The following CARMIL1 variants were observed in gnomAD, a reference collection of about 807,000 sequenced individuals.
The protein encoded by CARMIL1 is F-actin-uncapping protein LRRC16A.
Under a neutral mutation model 177.1 loss-of-function variants are expected in CARMIL1, and 90 were observed. The observed-to-expected ratio is 0.51, with a 90% CI of 0.43 to 0.61. The LOEUF is 0.61. Among genes scored for constraint, CARMIL1 ranks in the 20% least tolerant of loss-of-function variants. The pLI is 0.00. For missense variants in CARMIL1, 1,380 were observed against 1,667.0 expected (o/e 0.83, Z 3.00); for synonymous variants, 577 against 606.2 (o/e 0.95, Z 0.71).
At chr6:25,496,687 T>C (rs1460844708) in intron 16 of CARMIL1, among the ~76,000 whole-genome samples, 1 of 152,194 alleles carries the variant, frequency 6.6e-6, no homozygotes, top group Non-Finnish European at 1.5e-5. Context: ...ATCATTCTCA[T>C]TTATGTATTC....
rs1466360819 is a variant in CARMIL1, at chr6:25,619,939, T to C, written c.*356T>C. 7 of 162,760 alleles carry C rather than the reference T, an allele frequency of 4.3e-5. No homozygotes were observed. The highest frequency in any genetic ancestry group is 8.0e-5 in the Non-Finnish European group (6 of 75,378). 10.1% of individuals were successfully genotyped at this position (162,760 alleles called of 1,614,324 possible). Reference sequence around the variant, plus strand: ...TACAGATTGCCCTGCAAGATGAGTTTTTGGAGATAAATGAAATAACTGGAC... The same window carrying C: ...TACAGATTGCCCTGCAAGATGAGTTCTTGGAGATAAATGAAATAACTGGAC... On this transcript the variant is annotated 3_prime_UTR_variant, in exon 37 of 37. Transcript: ENST00000329474.
At chr6:25,416,082 C>T (rs186563391) in intron 2 of CARMIL1, among the ~76,000 whole-genome samples, 19 of 152,196 alleles carry the variant, frequency 1.2e-4, no homozygotes, top group East Asian at 7.7e-4. Context: ...GAGAGAAATT[C>T]AGAGACACAG....
At chr6:25,336,481 C>T (rs1453507084) in intron 2 of CARMIL1, among the ~76,000 whole-genome samples, 3 of 152,216 alleles carry the variant, frequency 2.0e-5, no homozygotes, top group African/African-American at 7.2e-5. Flanking sequence ...TCAAACCCAG[C>T]TCCTAGCTGT....
chr6:25,506,727 A>G (rs1804952251), intron 17 of CARMIL1, among the ~76,000 whole-genome samples: 1 of 152,224 alleles, frequency 6.6e-6, no homozygotes, highest in South Asian at 2.1e-4. Context: ...AAAATTTCCC[A>G]GGATAAAAAT....
chr6:25,516,324 C>T (rs1473527410), intron 21 of CARMIL1, among the ~76,000 whole-genome samples: 1 of 152,166 alleles, frequency 6.6e-6, no homozygotes, highest in Admixed American at 6.5e-5. Context: ...TGGGTGCTAG[C>T]TGTTCTCTTT....
intron 17 of CARMIL1, among the ~76,000 whole-genome samples, chr6:25,503,371 GTGTTT>G (rs1179501599): frequency 1.3e-5 from 2 of 152,160 alleles, no homozygotes; most frequent in Admixed American, 6.5e-5. Flanking sequence ...CTATGTTATA[GTGTTT>G]TATCACATTT....
At chr6:25,471,321 T>C in intron 10 of CARMIL1, 64 bp downstream of exon 10, 1 of 1,191,458 alleles carries the variant, frequency 8.4e-7, no homozygotes, top group Non-Finnish European at 1.2e-6. Context: ...GCTCTTCTAA[T>C]TAATTCATAG....
At chr6:25,308,834 G>A (rs1331249567) in intron 2 of CARMIL1, among the ~76,000 whole-genome samples, 3 of 152,100 alleles carry the variant, frequency 2.0e-5, no homozygotes, top group East Asian at 1.9e-4. Context: ...TCTTTGAATG[G>A]TTAACATGGG....
At position 25,606,062 on chromosome 6, in the gene CARMIL1, G is replaced by A. The variant is rs562025069; in HGVS notation, c.3636G>A (p.Val1212=). Residue 1212 remains valine (V), a splice_region_variant and synonymous_variant, in exon 35 of 37, where the codon GTG becomes GTA. Coordinates refer to ENST00000329474, the MANE Select transcript of CARMIL1 (RefSeq NM_017640.6). The part of the protein sequence containing the change: ...GVERSDGGGA[V]PKLHPGLPEN... The stretch of plus-strand genomic sequence containing the variant: ...TTAAAGTGGCCTTTTTCATCTTAGT[G>A]CCTAAACTGCACCCAGGTCTTCCAG... 15 of 1,611,058 alleles carry A rather than the reference G, an allele frequency of 9.3e-6. No homozygotes were observed. The South Asian group carries it at 1.4e-4, about 15-fold the overall frequency.
intron 12 of CARMIL1, among the ~76,000 whole-genome samples, chr6:25,483,122 A>C (rs1240448899): frequency 6.6e-6 from 1 of 152,238 alleles, no homozygotes; most frequent in South Asian, 2.1e-4. Flanking sequence ...ACATTATTGC[A>C]TAAATATTGT....
chr6:25,352,837 T>C (rs539527151), intron 2 of CARMIL1, among the ~76,000 whole-genome samples: 4 of 152,342 alleles, frequency 2.6e-5, no homozygotes, highest in South Asian at 2.1e-4. Context: ...ATCAGTCAGA[T>C]AGTATATGTA....
intron 31 of CARMIL1, among the ~76,000 whole-genome samples, chr6:25,586,515 C>T (rs1266826194): frequency 4.0e-5 from 6 of 150,854 alleles, no homozygotes; most frequent in East Asian, 3.9e-4. Context: ...AGACGATGGG[C>T]GGCCAGGCAG....
intron 16 of CARMIL1, among the ~76,000 whole-genome samples, chr6:25,498,383 C>T (rs1803957866): frequency 6.6e-6 from 1 of 152,116 alleles, no homozygotes; most frequent in Admixed American, 6.6e-5. Context: ...TTCCCCAGTG[C>T]CCAGTATGCT....
intron 35 of CARMIL1, among the ~76,000 whole-genome samples, chr6:25,607,728 A>G (rs891765567): frequency 2.0e-5 from 3 of 152,134 alleles, no homozygotes; most frequent in African/African-American, 4.8e-5. Context: ...GTTCTTTCCC[A>G]TGTTCCGTCA....
In CARMIL1 at chr6:25,284,900, C is replaced by A; in HGVS notation, c.129C>A (p.Asn43Lys). 3.2e-6 allele frequency: 5 copies of A among 1,552,178 alleles called. No individual in the cohort carries two copies. Among genetic ancestry groups the A allele is most frequent in the Non-Finnish European group, 4.4e-6 (5 of 1,141,874 alleles). Residue 43 changes from asparagine (N) to lysine (K), a missense_variant, in exon 2 of 37, where the codon AAC (asparagine) becomes AAA (lysine). Coordinates refer to ENST00000329474, the MANE Select transcript of CARMIL1 (RefSeq NM_017640.6). ...AAGTTAAGGGAGACAAAGTTGAAAACAAAGTGCTGGTAAGTATTGCTGTTT... is the reference window on the plus strand; with the variant it reads ...AAGTTAAGGGAGACAAAGTTGAAAAAAAAGTGCTGGTAAGTATTGCTGTTT... Reference protein sequence around the residue: ...KLEVKGDKVENKVLVLTSCRA... With the variant: ...KLEVKGDKVEKKVLVLTSCRA...
At chr6:25,401,157 C>T (rs931157121) in intron 2 of CARMIL1, among the ~76,000 whole-genome samples, 6 of 152,068 alleles carry the variant, frequency 3.9e-5, no homozygotes, top group East Asian at 1.9e-4. Context: ...ATTATTTTAA[C>T]GGTTCACATT....
intron 1 of CARMIL1, among the ~76,000 whole-genome samples, chr6:25,282,893 A>G (rs1781247702): frequency 6.6e-6 from 1 of 152,202 alleles, no homozygotes; most frequent in African/African-American, 2.4e-5. Flanking sequence ...TGTGAAATGC[A>G]AAGACCATCT....
chr6:25,503,708 C>G (rs1428376777), intron 17 of CARMIL1, among the ~76,000 whole-genome samples: 1 of 152,172 alleles, frequency 6.6e-6, no homozygotes, highest in Admixed American at 6.5e-5. Flanking sequence ...AGCTTCAGCC[C>G]TTGACTTTCT....
intron 3 of CARMIL1, among the ~76,000 whole-genome samples, chr6:25,423,112 A>G (rs1389446943): frequency 6.6e-6 from 1 of 152,218 alleles, no homozygotes; most frequent in East Asian, 1.9e-4. Flanking sequence ...AGTGTGAATG[A>G]TACTAATTTT....
Sources: gnomAD v4.1 joint callset for allele counts (sites outside exome capture counted in the v4.1 genomes callset) on GRCh38, gnomAD v4.1.1 for gene constraint, MANE v1.5 for transcripts, NCBI Gene and HGNC (gene_info 2026-07-23, HGNC 2026-07-21) for gene names.